Variants in MYLK observed in about 807,000 individuals in gnomAD.
The protein encoded by MYLK is myosin light chain kinase, also known as myosin light chain kinase, smooth muscle.
MYLK carries 106 observed loss-of-function variants against 203.4 expected under a neutral mutation model. The observed-to-expected ratio is 0.52, with a 90% CI of 0.45 to 0.61. The LOEUF (loss-of-function observed/expected upper bound fraction) is 0.61, where lower values mean the gene tolerates loss of function less well. MYLK is among the 20% of genes least tolerant of loss of function. The pLI is 0.00. For synonymous variants in MYLK, 867 were observed against 959.5 expected (o/e 0.90, Z 1.78); for missense variants, 2,072 against 2,442.3 (o/e 0.85, Z 3.20).
chr3:123,626,027 A>G (rs1039300569), intron 31 of MYLK, among the ~76,000 whole-genome samples: 7 of 152,100 alleles, frequency 4.6e-5, no homozygotes, highest in African/African-American at 1.7e-4. Context: ...GTGATCCTGG[A>G]TGGCTTTCCT....
chr3:123,618,762 A>T lies in MYLK; in HGVS notation c.5377T>A (p.Ser1793Thr). 6.2e-7 allele frequency: 1 copy of T among 1,614,092 alleles called. No homozygotes were observed. Among genetic ancestry groups the T allele is most frequent in the Non-Finnish European group, 8.5e-7 (1 of 1,179,978 alleles). The change falls in exon 33 of 34, where the codon TCC becomes ACC. Residue 1793 changes from serine to threonine, a missense_variant. Ser to Thr is a moderately conservative substitution (Grantham distance 58). Coordinates refer to ENST00000360304, the MANE Select transcript of MYLK (RefSeq NM_053025.4). ...GCAACAGCCTCAAGGAAAGCTTGGG[A>T]CACATCTTCTAGAAGACAGAGAAGA... ...AEKLESEEDVSQAFLEAVAEE... is the reference protein window; with the variant it reads ...AEKLESEEDVTQAFLEAVAEE...
At chr3:123,627,085 G>A (rs545188422) in intron 30 of MYLK, 144 bp from the exon 31 acceptor site, 40 of 904,082 alleles carry the variant, frequency 4.4e-5, no homozygotes, top group Non-Finnish European at 6.9e-5. Context: ...CCGTGATCAG[G>A]ATCACTGTGC....
At position 123,848,375 on chromosome 3, in the gene MYLK, A is replaced by AT. The variant is rs564488746; in HGVS notation, c.-126-16706dup. Among the ~76,000 whole-genome samples the AT allele has an allele frequency of 6.0e-5, 9 of 151,148 alleles. No homozygotes were observed. The South Asian group carries it at 1.0e-3, about 18-fold the overall frequency. On this transcript the variant is annotated intron_variant, in intron 2 of 33. Coordinates refer to ENST00000360304, the MANE Select transcript of MYLK (RefSeq NM_053025.4). ...CTACTTTTCCAAAGGTTTCTTTAGG[A>AT]TTTTTTTTCTAGCTTCTTGAGTAGG...
At chr3:123,833,081 T>C (rs2066385027) in intron 2 of MYLK, among the ~76,000 whole-genome samples, 1 of 152,012 alleles carries the variant, frequency 6.6e-6, no homozygotes, top group Non-Finnish European at 1.5e-5. Context: ...TCCCACCCCA[T>C]TACAGTCCCA....
intron 4 of MYLK, among the ~76,000 whole-genome samples, 159 bp from the exon 5 acceptor site, chr3:123,752,697 GT>G (rs2063239537): frequency 1.3e-5 from 2 of 152,296 alleles, no homozygotes; most frequent in African/African-American, 4.8e-5. Context: ...GGTACAGAGA[GT>G]TTTGGCAATT....
In MYLK at chr3:123,874,750, T is replaced by C. The variant is rs533516492; in HGVS notation, c.-127+1809A>G. ...TGCCAAACACGTACCCAATAAAAGA[T>C]TAATGTCCAGAATATATAAAGAGCT... On this transcript the variant is annotated intron_variant, in intron 2 of 33. Coordinates refer to ENST00000360304, the MANE Select transcript of MYLK (RefSeq NM_053025.4). Among the ~76,000 whole-genome samples, 136 of 152,128 alleles carry C rather than the reference T, an allele frequency of 8.9e-4. 1 individual carries two copies. The highest frequency in any genetic ancestry group is 6.8e-3 in the Middle Eastern group (2 of 294).
intron 3 of MYLK, among the ~76,000 whole-genome samples, chr3:123,810,161 A>G (rs1286940225): frequency 6.6e-6 from 1 of 152,176 alleles, no homozygotes; most frequent in Non-Finnish European, 1.5e-5. Flanking sequence ...GACTATAAAT[A>G]AGGTGAGAGG....
intron 23 of MYLK, 125 bp downstream of exon 23, chr3:123,663,979 TA>T: frequency 1.5e-6 from 2 of 1,377,352 alleles, no homozygotes; most frequent in Non-Finnish European, 1.0e-6. Flanking sequence ...TGTGGTGCCT[TA>T]TAAATCAGGC....
chr3:123,688,586 A>T (rs901214345), intron 19 of MYLK, among the ~76,000 whole-genome samples: 1 of 152,110 alleles, frequency 6.6e-6, no homozygotes, highest in Non-Finnish European at 1.5e-5. Flanking sequence ...TTGGCCCATA[A>T]CACTTAGAAT....
chr3:123,851,811 C>T (rs920882573), intron 2 of MYLK, among the ~76,000 whole-genome samples: 6 of 152,088 alleles, frequency 3.9e-5, no homozygotes, highest in African/African-American at 1.4e-4. Context: ...GAGGGCATCC[C>T]TGTCTTGTGC....
At chr3:123,782,677 G>T (rs1206435467) in intron 4 of MYLK, among the ~76,000 whole-genome samples, 1 of 152,088 alleles carries the variant, frequency 6.6e-6, no homozygotes, top group Non-Finnish European at 1.5e-5. Flanking sequence ...TCTCTCATCG[G>T]TCATTTTGCC....
intron 2 of MYLK, among the ~76,000 whole-genome samples, chr3:123,840,384 ATATATATATG>A (rs1486595691): frequency 1.2e-5 from 1 of 80,352 alleles, no homozygotes; most frequent in Non-Finnish European, 2.6e-5. Context: ...ATATATATAT[ATATATATATG>A]AATCCATATA....
At chr3:123,722,978 C>T (rs1198740498) in intron 12 of MYLK, among the ~76,000 whole-genome samples, 1 of 152,096 alleles carries the variant, frequency 6.6e-6, no homozygotes, top group African/African-American at 2.4e-5. Context: ...TGCATGGAGA[C>T]AGGAGTGCAT....
chr3:123,754,662 G>A (rs922423388), intron 4 of MYLK, among the ~76,000 whole-genome samples: 2 of 152,194 alleles, frequency 1.3e-5, no homozygotes, highest in Non-Finnish European at 2.9e-5. Context: ...AACAGCTGTT[G>A]TCTCTGGGTG....
At chr3:123,622,952 C>T (rs1195459106) in intron 31 of MYLK, 3 of 152,300 alleles carry the variant, frequency 2.0e-5, no homozygotes, top group Non-Finnish European at 2.9e-5. Flanking sequence ...GTTCCTGTGT[C>T]GCTGGTGAGC....
chr3:123,634,212 T>C (rs1432295383), intron 29 of MYLK, among the ~76,000 whole-genome samples: 1 of 152,060 alleles, frequency 6.6e-6, no homozygotes, highest in African/African-American at 2.4e-5. Context: ...TGGGGTTTAG[T>C]TGTGTTAGTA....
chr3:123,715,618 G>A (rs1219998752), intron 13 of MYLK, among the ~76,000 whole-genome samples: 1 of 152,134 alleles, frequency 6.6e-6, no homozygotes, highest in African/African-American at 2.4e-5. Flanking sequence ...AAAATAACCA[G>A]TAAAGCCTCT....
chr3:123,700,324 C>T lies in MYLK; in HGVS notation c.3144G>A (p.Lys1048=), dbSNP rs2061137893. Reference sequence around the variant, plus strand: ...CATCAGGCTTGGCATTGCCCATGGGCTTCAGGGTCTCGGCAGGCTTGGCGT... The same window carrying T: ...CATCAGGCTTGGCATTGCCCATGGGTTTCAGGGTCTCGGCAGGCTTGGCGT... ...MGNAKPAETL[K]PMGNAKPDEN... is the part of the protein sequence containing the mutation. Residue 1048 remains lysine (K), a synonymous_variant, in exon 18 of 34, where the codon AAG becomes AAA. Transcript: ENST00000360304. The T allele has an allele frequency of 1.9e-6, 3 of 1,613,722 alleles. No individual in the cohort carries two copies. The highest frequency in any genetic ancestry group is 2.5e-6 in the Non-Finnish European group (3 of 1,179,952).
At chr3:123,750,469 G>A (rs187413629) in intron 5 of MYLK, among the ~76,000 whole-genome samples, 2 of 152,208 alleles carry the variant, frequency 1.3e-5, no homozygotes, top group South Asian at 2.1e-4. Flanking sequence ...TGAAGAAAAC[G>A]TTTTCATATT....
Sources: gnomAD v4.1 joint callset for allele counts (sites outside exome capture counted in the v4.1 genomes callset) on GRCh38, gnomAD v4.1.1 for gene constraint, MANE v1.5 for transcripts, NCBI Gene and HGNC (gene_info 2026-07-23, HGNC 2026-07-21) for gene names.